NLGN1: variants seen among roughly 807,000 people sequenced by gnomAD.
NLGN1 encodes neuroligin 1, also known as neuroligin-1.
Under a neutral mutation model 65.5 loss-of-function variants are expected in NLGN1, and 12 were observed. The observed-to-expected ratio is 0.18, with a 90% CI of 0.12 to 0.30. The LOEUF is 0.30. Among genes scored for constraint, NLGN1 ranks in the 10% least tolerant of loss-of-function variants. The pLI is 1.00. For missense variants in NLGN1, 750 were observed against 1,007.1 expected (o/e 0.74, Z 3.46); for synonymous variants, 350 against 359.5 (o/e 0.97, Z 0.30).
chr3:174,003,219 C>T (rs1450127939), intron 4 of NLGN1, among the ~76,000 whole-genome samples: 1 of 152,092 alleles, frequency 6.6e-6, no homozygotes, highest in Non-Finnish European at 1.5e-5. Flanking sequence ...TATGGACTTG[C>T]AAGAAAGTGA....
At chr3:174,232,632 T>A (rs1221984464) in intron 4 of NLGN1, among the ~76,000 whole-genome samples, 2 of 152,150 alleles carry the variant, frequency 1.3e-5, no homozygotes, top group African/African-American at 2.4e-5. Context: ...AGGCTCATAA[T>A]GTGGCCGGAA....
chr3:173,455,552 G>A (rs965398919), intron 2 of NLGN1, among the ~76,000 whole-genome samples: 1 of 152,064 alleles, frequency 6.6e-6, no homozygotes, highest in African/African-American at 2.4e-5. Context: ...CCAAAATATG[G>A]CACAGAGACA....
chr3:174,026,864 C>A (rs186770888), intron 4 of NLGN1, among the ~76,000 whole-genome samples: 198 of 152,178 alleles, frequency 1.3e-3, no homozygotes, highest in African/African-American at 4.7e-3. Flanking sequence ...TAATTTTATT[C>A]TCTTTTTATA....
chr3:173,867,217 G>C (rs1188988372), intron 4 of NLGN1, among the ~76,000 whole-genome samples: 1 of 152,132 alleles, frequency 6.6e-6, no homozygotes, highest in Non-Finnish European at 1.5e-5. Context: ...CAGTGCAGCA[G>C]TTAATTTTCT....
At chr3:173,493,676 G>A (rs1576962176) in intron 2 of NLGN1, among the ~76,000 whole-genome samples, 2 of 151,778 alleles carry the variant, frequency 1.3e-5, no homozygotes, top group South Asian at 2.1e-4. Flanking sequence ...AGGCACAGAA[G>A]GCCAAATACT....
chr3:173,709,803 CA>C (rs59998502), intron 3 of NLGN1, among the ~76,000 whole-genome samples: 1,584 of 69,186 alleles, frequency 0.023, 26 homozygotes, highest in African/African-American at 0.08. Flanking sequence ...AACTCTATCT[CA>C]AAAAAAAAAA....
chr3:173,441,743 C>T (rs1350531794), intron 2 of NLGN1, among the ~76,000 whole-genome samples: 3 of 152,090 alleles, frequency 2.0e-5, no homozygotes, highest in African/African-American at 7.2e-5. Flanking sequence ...TGAGAAGTGC[C>T]ACACAAAGTG....
chr3:174,178,688 C>A (rs1729875691), intron 4 of NLGN1, among the ~76,000 whole-genome samples: 1 of 151,924 alleles, frequency 6.6e-6, no homozygotes, highest in South Asian at 2.1e-4. Flanking sequence ...TTTATTTCTC[C>A]TGTGTATTTT....
chr3:173,566,989 C>T (rs1577310033), intron 2 of NLGN1, among the ~76,000 whole-genome samples: 1 of 152,042 alleles, frequency 6.6e-6, no homozygotes, highest in South Asian at 2.1e-4. Flanking sequence ...CCACTAATGT[C>T]GAGTAAACAA....
At chr3:173,915,868 C>G (rs1234279316) in intron 4 of NLGN1, among the ~76,000 whole-genome samples, 1 of 151,984 alleles carries the variant, frequency 6.6e-6, no homozygotes, top group Non-Finnish European at 1.5e-5. Context: ...TGCTCATATG[C>G]AAAGCCTATA....
At chr3:174,293,751 TGAAGCTGGGGAGTTGTAGAAA>T in the NLGN1 span, among the ~76,000 whole-genome samples, 1 of 151,696 alleles carries the variant, frequency 6.6e-6, no homozygotes, top group African/African-American at 2.4e-5. Context: ...GCTCAGAGTG[TGAAGCTGGGGAGTTGTAGAAA>T]GAATATCTAT....
At chr3:173,972,415 C>T (rs1305069922) in intron 4 of NLGN1, among the ~76,000 whole-genome samples, 13 of 152,146 alleles carry the variant, frequency 8.5e-5, no homozygotes, top group Middle Eastern at 3.4e-3. Context: ...AATGCAAAGG[C>T]GCAGAAGAAC....
intron 2 of NLGN1, among the ~76,000 whole-genome samples, chr3:173,559,942 C>CTTTT (rs35745476): frequency 1.8e-5 from 2 of 108,370 alleles, no homozygotes; most frequent in Non-Finnish European, 3.7e-5. Context: ...TCTAGATACA[C>CTTTT]TTTTTTTTTT....
intron 4 of NLGN1, among the ~76,000 whole-genome samples, chr3:173,865,320 G>C (rs1729918157): frequency 6.6e-6 from 1 of 151,648 alleles, no homozygotes; most frequent in Non-Finnish European, 1.5e-5. Context: ...TATATTATTT[G>C]ATTACATATG....
At chr3:173,699,324 T>C (rs370990690) in intron 3 of NLGN1, among the ~76,000 whole-genome samples, 43 of 152,326 alleles carry the variant, frequency 2.8e-4, no homozygotes, top group African/African-American at 1.0e-3. Context: ...ATCCATACAA[T>C]TTAGGGCAAA....
At chr3:174,117,490 G>A (rs980641233) in intron 4 of NLGN1, among the ~76,000 whole-genome samples, 11 of 151,786 alleles carry the variant, frequency 7.2e-5, no homozygotes, top group African/African-American at 2.7e-4. Context: ...GCGCAGTGGC[G>A]GGCGCCTGTA....
intron 4 of NLGN1, among the ~76,000 whole-genome samples, chr3:174,221,565 G>T (rs1738655036): frequency 6.6e-6 from 1 of 151,666 alleles, no homozygotes; most frequent in South Asian, 2.1e-4. Flanking sequence ...TTAAAAGCCA[G>T]ATTCTTAGAT....
At chr3:174,040,442 T>C (rs1732022340) in intron 4 of NLGN1, among the ~76,000 whole-genome samples, 1 of 152,108 alleles carries the variant, frequency 6.6e-6, no homozygotes, top group Non-Finnish European at 1.5e-5. Flanking sequence ...TGAAGGGGAA[T>C]GTAGGCAAAA....
intron 4 of NLGN1, among the ~76,000 whole-genome samples, chr3:174,171,000 T>C (rs1728422735): frequency 1.3e-5 from 2 of 152,124 alleles, no homozygotes; most frequent in South Asian, 4.1e-4. Flanking sequence ...GGGAAACAAA[T>C]CACAAACTCT....
Sources: allele counts gnomAD v4.1 joint callset (sites outside exome capture counted in the v4.1 genomes callset), GRCh38; gene constraint gnomAD v4.1.1; transcripts MANE v1.5; gene names NCBI Gene and HGNC (gene_info 2026-07-23, HGNC 2026-07-21).